Variants in PIR observed in about 807,000 individuals in gnomAD.
PIR encodes pirin (iron-binding nuclear protein).
A neutral mutation model predicts 24.2 loss-of-function variants in PIR; 22 were observed. That is an observed-to-expected ratio of 0.91 (90% confidence interval 0.65 to 1.30). PIR has a LOEUF of 1.30. PIR is among the 50% of genes most tolerant of loss of function. The probability of loss-of-function intolerance (pLI) is 0.00; values close to 1 mark genes in which losing one functional copy is unlikely to be tolerated. For missense variants in PIR, 220 were observed against 220.3 expected, an observed-to-expected ratio of 1.00 and a Z score of 0.01; for synonymous variants, 80 against 79.6, an observed-to-expected ratio of 1.00 and a Z score of -0.03.
intron 5 of PIR, among the ~76,000 whole-genome samples, chrX:15,448,995 C>T (rs1272603302): frequency 8.9e-6 from 1 of 111,991 alleles, no homozygotes; most frequent in Admixed American, 9.5e-5. Context: ...ATGATGTACA[C>T]ACAGCAGGTG....
At chrX:15,442,428 C>T (rs1401674141) in intron 5 of PIR, among the ~76,000 whole-genome samples, 2 of 110,960 alleles carry the variant, frequency 1.8e-5, no homozygotes, top group East Asian at 5.6e-4. Context: ...ATTAACAACC[C>T]CACAATGGCC....
chrX:15,385,138 AGAAAGTTCT>A, intron 9 of PIR, 22 bp from the exon 10 acceptor site: 2 of 878,220 alleles, frequency 2.3e-6, no homozygotes, highest in Non-Finnish European at 3.3e-6. Flanking sequence ...AGAGACATTC[AGAAAGTTCT>A]GGGTGGCAAT....
At chrX:15,483,333 TC>T (rs1922617468) in intron 2 of PIR, among the ~76,000 whole-genome samples, 1 of 110,323 alleles carries the variant, frequency 9.1e-6, no homozygotes, top group African/African-American at 3.3e-5. Flanking sequence ...GAAAATAAAT[TC>T]AAATTATTTA....
At chrX:15,441,677 G>C (rs183174999) in intron 5 of PIR, among the ~76,000 whole-genome samples, 1 of 111,694 alleles carries the variant, frequency 9.0e-6, no homozygotes, top group East Asian at 2.8e-4. Context: ...CTGAGGATGA[G>C]GGGGAGGCAG....
intron 9 of PIR, 116 bp from the exon 10 acceptor site, chrX:15,385,232 G>C: frequency 2.5e-6 from 1 of 401,159 alleles, no homozygotes; most frequent in Non-Finnish European, 4.3e-6. Context: ...CACATCCGAA[G>C]AGTAAAAGTT....
At chrX:15,395,655 T>C (rs1177330261) in intron 8 of PIR, among the ~76,000 whole-genome samples, 2 of 112,383 alleles carry the variant, frequency 1.8e-5, no homozygotes, top group Non-Finnish European at 3.8e-5. Context: ...TTTACAAACG[T>C]GTCCAAAGTC....
At chrX:15,476,771 G>C (rs1280344987) in intron 3 of PIR, among the ~76,000 whole-genome samples, 3 of 111,163 alleles carry the variant, frequency 2.7e-5, no homozygotes, top group Non-Finnish European at 3.8e-5. Context: ...CTATCATAAA[G>C]CATTATTTTT....
intron 4 of PIR, among the ~76,000 whole-genome samples, chrX:15,458,001 C>T (rs969900226): frequency 8.9e-6 from 1 of 112,515 alleles, no homozygotes; most frequent in African/African-American, 3.2e-5. Flanking sequence ...GTTGACCCTG[C>T]TCTAATGCAG....
At chrX:15,396,809 C>T (rs1014761027) in intron 8 of PIR, among the ~76,000 whole-genome samples, 8 of 108,727 alleles carry the variant, frequency 7.4e-5, no homozygotes, top group South Asian at 8.1e-4. Flanking sequence ...GGCGCAATCT[C>T]GGCTCACTGC....
At chrX:15,401,490 C>G (rs1278891336) in intron 7 of PIR, among the ~76,000 whole-genome samples, 2 of 111,339 alleles carry the variant, frequency 1.8e-5, no homozygotes, top group African/African-American at 3.3e-5. Context: ...AAGATTGATT[C>G]TATCTTTATT....
At chrX:15,488,091 C>T (rs1375413708) in intron 2 of PIR, among the ~76,000 whole-genome samples, 1 of 109,065 alleles carries the variant, frequency 9.2e-6, no homozygotes, top group Non-Finnish European at 1.9e-5. Flanking sequence ...CCAGCCTGAC[C>T]AACATGGAGA....
intron 2 of PIR, among the ~76,000 whole-genome samples, chrX:15,490,956 T>C (rs1432588261): frequency 8.9e-6 from 1 of 112,145 alleles, no homozygotes; most frequent in East Asian, 2.8e-4. Flanking sequence ...AGCTGCACTT[T>C]CTGCCCAAGA....
At chrX:15,451,920 T>C (rs1248486451) in intron 5 of PIR, among the ~76,000 whole-genome samples, 1 of 112,163 alleles carries the variant, frequency 8.9e-6, no homozygotes, top group Non-Finnish European at 1.9e-5. Flanking sequence ...CTGTTCTAAG[T>C]ACTTTACAAG....
intron 8 of PIR, among the ~76,000 whole-genome samples, chrX:15,394,304 C>A (rs890467067): frequency 1.8e-5 from 2 of 111,831 alleles, no homozygotes. Context: ...ACTAAACAAG[C>A]AAAAAAGTTT....
At chrX:15,481,603 T>C (rs1266089977) in intron 2 of PIR, among the ~76,000 whole-genome samples, 1 of 111,990 alleles carries the variant, frequency 8.9e-6, no homozygotes, top group African/African-American at 3.2e-5. Context: ...TTTTTCTAGC[T>C]AACTTGTATT....
At chrX:15,429,828 C>T (rs1337993857) in intron 5 of PIR, 1 of 109,679 alleles carries the variant, frequency 9.1e-6, no homozygotes, top group Non-Finnish European at 1.9e-5. Flanking sequence ...TGCACTCCAG[C>T]CTGGGCGGAA....
intron 5 of PIR, among the ~76,000 whole-genome samples, chrX:15,438,476 A>T (rs763313239): frequency 1.8e-5 from 2 of 112,413 alleles, no homozygotes; most frequent in Non-Finnish European, 3.8e-5. Flanking sequence ...CTGGAGCCAG[A>T]CCATCCAGTT....
chrX:15,420,208 A>G (rs778358499), intron 6 of PIR, among the ~76,000 whole-genome samples: 9 of 111,837 alleles, frequency 8.0e-5, no homozygotes, highest in African/African-American at 2.6e-4. Context: ...AAACAACAAC[A>G]ACGACAACAA....
At chrX:15,479,699 A>T in intron 3 of PIR, 30 bp downstream of exon 3, 1 of 734,432 alleles carries the variant, frequency 1.4e-6, no homozygotes, top group Non-Finnish European at 2.0e-6. Context: ...TTCAAAATAC[A>T]CACTTCTGCA....
Sources: gnomAD v4.1 joint callset for allele counts (sites outside exome capture counted in the v4.1 genomes callset) on GRCh38, gnomAD v4.1.1 for gene constraint, MANE v1.5 for transcripts, NCBI Gene and HGNC (gene_info 2026-07-23, HGNC 2026-07-21) for gene names.